The following CFAP58 variants were observed in gnomAD, a reference collection of about 807,000 sequenced individuals.
CFAP58 encodes cilia and flagella associated protein 58.
Under a neutral mutation model 119.5 loss-of-function variants are expected in CFAP58, and 88 were observed. The ratio of observed to expected loss-of-function variants is 0.74; its 90% CI spans 0.62 to 0.88. The LOEUF (loss-of-function observed/expected upper bound fraction) is 0.88. Ranked by LOEUF, CFAP58 falls within the 40% of genes least tolerant of loss-of-function variation. The probability of loss-of-function intolerance (pLI) is 0.00; values close to 1 mark genes in which losing one functional copy is unlikely to be tolerated. For missense variants in CFAP58, 990 were observed against 1,021.2 expected (o/e 0.97, Z 0.42); for synonymous variants, 365 against 366.3 (o/e 1.00, Z 0.04).
chr10:104,393,544 C>T lies in CFAP58; in HGVS notation c.1674+69C>T, dbSNP rs185106263. 27 of 1,484,888 alleles carry T rather than the reference C, an allele frequency of 1.8e-5. No homozygotes were observed. The Admixed American group carries it at 2.0e-4, about 11-fold the overall frequency. The allele number at this position is 1,484,888 out of a possible 1,614,324, so 92.0% of individuals were successfully genotyped here. On this transcript the variant is annotated intron_variant, in intron 11 of 17. Coordinates refer to ENST00000369704, the MANE Select transcript of CFAP58 (RefSeq NM_001008723.2). ...CCCGCTCAGGCGGCCTCCAGTCTCACTGAAGGCAGCCAGGGGCAGGGAGAA... is the reference window on the plus strand; with the variant it reads ...CCCGCTCAGGCGGCCTCCAGTCTCATTGAAGGCAGCCAGGGGCAGGGAGAA...
chr10:104,425,855 G>A (rs1194758738), intron 15 of CFAP58, among the ~76,000 whole-genome samples: 1 of 152,194 alleles, frequency 6.6e-6, no homozygotes, highest in East Asian at 1.9e-4. Flanking sequence ...ATAAGGAGTA[G>A]CTGTGATTTG....
intron 7 of CFAP58, among the ~76,000 whole-genome samples, chr10:104,372,789 A>T (rs1360355787): frequency 6.6e-6 from 1 of 152,220 alleles, no homozygotes; most frequent in Admixed American, 6.5e-5. Flanking sequence ...CCAACTCTTC[A>T]TCCTTAAATC....
At chr10:104,368,091 A>G (rs2014775361) in intron 5 of CFAP58, among the ~76,000 whole-genome samples, 1 of 152,280 alleles carries the variant, frequency 6.6e-6, no homozygotes, top group South Asian at 2.1e-4. Flanking sequence ...TGCAATGATT[A>G]TAGCAATTGT....
intron 3 of CFAP58, 46 bp from the exon 4 acceptor site, chr10:104,364,687 T>A: frequency 6.3e-7 from 1 of 1,597,374 alleles, no homozygotes; most frequent in Non-Finnish European, 8.6e-7. Flanking sequence ...GAAGGACCCC[T>A]GAGCAGATGG....
At chr10:104,351,587 G>C (rs926894213), upstream of CFAP58, 1 of 152,174 alleles carries the variant, frequency 6.6e-6, no homozygotes, top group African/African-American at 2.4e-5. Context: ...TGGATTGTTT[G>C]ACATGGGTTG....
intron 12 of CFAP58, 125 bp downstream of exon 12, chr10:104,399,625 G>C (rs2133041699): frequency 1.0e-6 from 1 of 960,782 alleles, no homozygotes; most frequent in Non-Finnish European, 1.5e-6. Context: ...CAGCAGCAGA[G>C]ACCCATCTTG....
intron 8 of CFAP58, 114 bp downstream of exon 8, chr10:104,377,007 G>C (rs1390495518): frequency 1.4e-6 from 1 of 728,522 alleles, no homozygotes; most frequent in Non-Finnish European, 2.3e-6. Flanking sequence ...AAGTGGATTA[G>C]AATAAATAAT....
intron 15 of CFAP58, among the ~76,000 whole-genome samples, chr10:104,410,800 T>C (rs2012447864): frequency 6.6e-6 from 1 of 152,224 alleles, no homozygotes; most frequent in Admixed American, 6.5e-5. Context: ...TTAGTGTCTT[T>C]ATTCACTCCT....
chr10:104,420,217 A>G (rs565683851), intron 15 of CFAP58, among the ~76,000 whole-genome samples: 1 of 151,912 alleles, frequency 6.6e-6, no homozygotes, highest in African/African-American at 2.4e-5. Flanking sequence ...AGTGTACTTA[A>G]TGTACTCAAT....
At chr10:104,435,159 G>T (rs1322457853) in intron 15 of CFAP58, among the ~76,000 whole-genome samples, 1 of 152,164 alleles carries the variant, frequency 6.6e-6, no homozygotes, top group Non-Finnish European at 1.5e-5. Flanking sequence ...TTGGATGAAT[G>T]AATGGTCAAA....
chr10:104,422,074 CTACTT>C (rs2012668788), intron 15 of CFAP58, among the ~76,000 whole-genome samples: 1 of 152,124 alleles, frequency 6.6e-6, no homozygotes, highest in African/African-American at 2.4e-5. Flanking sequence ...GTAGTCCCAG[CTACTT>C]GGGAGGCTGA....
At chr10:104,444,502 T>A (rs1254070163) in intron 15 of CFAP58, among the ~76,000 whole-genome samples, 1 of 152,224 alleles carries the variant, frequency 6.6e-6, no homozygotes, top group Non-Finnish European at 1.5e-5. Context: ...CATTGCACAA[T>A]GTTTGAAGAG....
At chr10:104,374,638 T>G (rs2014866648) in intron 7 of CFAP58, among the ~76,000 whole-genome samples, 1 of 151,902 alleles carries the variant, frequency 6.6e-6, no homozygotes, top group South Asian at 2.1e-4. Flanking sequence ...CATATTGGTT[T>G]TTAAACATCT....
In CFAP58 at chr10:104,380,021, A is replaced by G; in HGVS notation, c.1174-8A>G. ...AGTAATGTGACTGCTTTGTGCCCTT[A>G]TTTTTAGAACATGCTTAAGGCGGTC... On this transcript the variant is annotated splice_polypyrimidine_tract_variant and splice_region_variant and intron_variant, in intron 8 of 17. Coordinates refer to ENST00000369704, the MANE Select transcript of CFAP58 (RefSeq NM_001008723.2). The G allele has an allele frequency of 6.2e-7, 1 of 1,609,558 alleles. No individual in the cohort carries two copies. Among genetic ancestry groups the G allele is most frequent in the Admixed American group, 1.7e-5 (1 of 59,076 alleles).
In CFAP58 at chr10:104,358,633, T is replaced by C. The variant is rs762376960; in HGVS notation, c.291+11T>C. The C allele has an allele frequency of 6.9e-6, 11 of 1,600,320 alleles. No individual in the cohort carries two copies. The highest frequency in any genetic ancestry group is 9.4e-6 in the Non-Finnish European group (11 of 1,171,092). On this transcript the variant is annotated intron_variant, in intron 2 of 17. Coordinates refer to ENST00000369704, the MANE Select transcript of CFAP58 (RefSeq NM_001008723.2). ...GCATCCCTAAAGAAGGTCAGTGATC[T>C]TCTAGAAATGGAATGAACCTGAATT...
intron 11 of CFAP58, among the ~76,000 whole-genome samples, chr10:104,395,790 C>T (rs1019495574): frequency 2.6e-5 from 4 of 152,170 alleles, no homozygotes; most frequent in African/African-American, 7.2e-5. Context: ...TACGAAGCTA[C>T]GCGGGTACAT....
Position 104,399,506 on chromosome 10 carries a change from G to A in CFAP58, c.1815+6G>A, listed in dbSNP as rs1199436414. ...AGAAGAAGGAATTAGACCAGGTAGA[G>A]CATCTCCTTGTCAGACTTGCAGACC... On this transcript the variant is annotated splice_donor_region_variant and intron_variant, in intron 12 of 17. Coordinates refer to ENST00000369704, the MANE Select transcript of CFAP58 (RefSeq NM_001008723.2). 6.2e-7 allele frequency: 1 copy of A among 1,612,802 alleles called. No individual in the cohort carries two copies. Among genetic ancestry groups the A allele is most frequent in the Non-Finnish European group, 8.5e-7 (1 of 1,179,364 alleles).
At chr10:104,451,746 CTT>C in intron 17 of CFAP58, among the ~76,000 whole-genome samples, 1 of 152,074 alleles carries the variant, frequency 6.6e-6, no homozygotes, top group Non-Finnish European at 1.5e-5. Flanking sequence ...CAGTAAAACT[CTT>C]TTTTTGAGAC....
At chr10:104,362,935 A>G (rs995626919) in intron 3 of CFAP58, among the ~76,000 whole-genome samples, 1 of 152,188 alleles carries the variant, frequency 6.6e-6, no homozygotes, top group African/African-American at 2.4e-5. Flanking sequence ...GAGCCCATCA[A>G]GTTGCTCACA....
Sources: allele counts gnomAD v4.1 joint callset (sites outside exome capture counted in the v4.1 genomes callset), GRCh38; gene constraint gnomAD v4.1.1; transcripts MANE v1.5; gene names NCBI Gene and HGNC (gene_info 2026-07-23, HGNC 2026-07-21).